TSC22D3: variants seen among roughly 807,000 people sequenced by gnomAD.
TSC22D3 encodes the protein TSC22 domain family member 3.
A neutral mutation model predicts 11.1 loss-of-function variants in TSC22D3; 4 were observed. The ratio of observed to expected loss-of-function variants is 0.36; its 90% CI spans 0.18 to 0.83. TSC22D3 has a LOEUF of 0.83. TSC22D3 is among the 40% of genes least tolerant of loss of function. The pLI, the probability that TSC22D3 is intolerant of heterozygous loss-of-function variation, is 0.48. For missense variants in TSC22D3, 118 were observed against 159.4 expected (o/e 0.74, Z 1.40); for synonymous variants, 77 against 70.3 (o/e 1.10, Z -0.48).
At chrX:107,721,566 G>A (rs779059646) in intron 1 of TSC22D3, among the ~76,000 whole-genome samples, 7 of 111,903 alleles carry the variant, frequency 6.3e-5, no homozygotes, top group Non-Finnish European at 1.3e-4. Flanking sequence ...CTATTTATAG[G>A]TAAGTCTTCC....
At chrX:107,767,567 C>T (rs73525046) in intron 1 of TSC22D3, among the ~76,000 whole-genome samples, 1,582 of 112,428 alleles carry the variant, frequency 0.014, 26 homozygotes, top group African/African-American at 0.049. Context: ...GGAATAGAAT[C>T]GAGAAAAGCT....
At chrX:107,754,634 G>A (rs1233320805) in intron 1 of TSC22D3, among the ~76,000 whole-genome samples, 2 of 112,048 alleles carry the variant, frequency 1.8e-5, no homozygotes, top group Non-Finnish European at 3.8e-5. Context: ...TAAGGAACAA[G>A]CATGACCCTG....
intron 1 of TSC22D3, chrX:107,716,919 C>T (rs1300370398): frequency 3.5e-6 from 4 of 1,144,782 alleles, no homozygotes; most frequent in Admixed American, 5.3e-5. Context: ...CGCTGGAGTC[C>T]GGCCCTGAGG....
At position 107,759,817 on chromosome X, in the gene TSC22D3, C is replaced by T. The variant is rs762962051; in HGVS notation, c.320+15283G>A. On this transcript the variant is annotated intron_variant, in intron 1 of 2. Transcript: ENST00000372383. Reference sequence around the variant, plus strand: ...TCTCCCTTTCTCTGTAGCTGCCGGGCTAGGGTGGGACAACTGGAAACTCTA... The same window carrying T: ...TCTCCCTTTCTCTGTAGCTGCCGGGTTAGGGTGGGACAACTGGAAACTCTA... Among the ~76,000 whole-genome samples the T allele has an allele frequency of 3.5e-5, 4 of 112,871 alleles. No homozygotes were observed. The East Asian group carries it at 1.1e-3, about 32-fold the overall frequency.
At chrX:107,732,313 G>T (rs926053603) in intron 1 of TSC22D3, among the ~76,000 whole-genome samples, 2 of 109,786 alleles carry the variant, frequency 1.8e-5, no homozygotes, top group African/African-American at 3.3e-5. Flanking sequence ...GCTCTCCAAG[G>T]CCAGGCCAGC....
intron 1 of TSC22D3, among the ~76,000 whole-genome samples, chrX:107,720,300 C>T (rs2147723107): frequency 9.0e-6 from 1 of 111,727 alleles, no homozygotes; most frequent in Non-Finnish European, 1.9e-5. Flanking sequence ...GAGATGTGAT[C>T]ACCCTGAGAC....
chrX:107,731,201 A>G (rs1927865513), intron 1 of TSC22D3, among the ~76,000 whole-genome samples: 2 of 112,284 alleles, frequency 1.8e-5, no homozygotes, highest in South Asian at 7.3e-4. Context: ...GTGATGTTCA[A>G]ATCTTGCCAA....
intron 1 of TSC22D3, among the ~76,000 whole-genome samples, chrX:107,735,986 C>T (rs931136588): frequency 8.9e-6 from 1 of 111,924 alleles, no homozygotes; most frequent in African/African-American, 3.3e-5. Context: ...CAATGACTTG[C>T]CCAAGGTCAC....
intron 1 of TSC22D3, among the ~76,000 whole-genome samples, chrX:107,745,996 T>A (rs897004515): frequency 3.6e-5 from 4 of 112,463 alleles, no homozygotes; most frequent in Non-Finnish European, 5.6e-5. Flanking sequence ...ACCAAAATTC[T>A]AGGATTGAAT....
chrX:107,726,089 G>C lies in TSC22D3; in HGVS notation c.321-10139C>G, dbSNP rs142381295. 4.8e-3 allele frequency among the ~76,000 whole-genome samples: 528 copies of C among 110,234 alleles called. 4 individuals are homozygous for C. Among genetic ancestry groups the C allele is most frequent in the African/African-American group, 0.017 (510 of 30,239 alleles). ...CTGCAAACATGCCTGTCCCCACCCT[G>C]ATCCAAGCCTGGAACTCACCCCTGC... On this transcript the variant is annotated intron_variant, in intron 1 of 2. Coordinates refer to ENST00000372383, the MANE Select transcript of TSC22D3 (RefSeq NM_198057.3).
At chrX:107,754,726 A>G (rs768519328) in intron 1 of TSC22D3, among the ~76,000 whole-genome samples, 46 of 112,396 alleles carry the variant, frequency 4.1e-4, no homozygotes, top group African/African-American at 1.5e-3. Flanking sequence ...CCACTAATGA[A>G]ATCTTACACA....
intron 1 of TSC22D3, among the ~76,000 whole-genome samples, chrX:107,770,750 C>T (rs776678023): frequency 8.9e-6 from 1 of 112,111 alleles, no homozygotes; most frequent in Non-Finnish European, 1.9e-5. Context: ...GCAATCACAA[C>T]GAATACTGTC....
chrX:107,726,439 G>C (rs772882425), intron 1 of TSC22D3, among the ~76,000 whole-genome samples: 2 of 111,292 alleles, frequency 1.8e-5, no homozygotes, highest in Non-Finnish European at 3.8e-5. Context: ...GGGTGGGGTT[G>C]AAATAAAAAG....
chrX:107,725,301 G>T (rs975880953), intron 1 of TSC22D3, among the ~76,000 whole-genome samples: 1 of 112,652 alleles, frequency 8.9e-6, no homozygotes, highest in African/African-American at 3.2e-5. Flanking sequence ...CACACAGCAG[G>T]TAAACCTTGA....
At chrX:107,717,663 T>C (rs1240111439) in intron 1 of TSC22D3, among the ~76,000 whole-genome samples, 1 of 112,626 alleles carries the variant, frequency 8.9e-6, no homozygotes, top group East Asian at 2.8e-4. Flanking sequence ...CATGTACAGA[T>C]CTGTGACATG....
chrX:107,773,426 A>G (rs897587992), intron 1 of TSC22D3, among the ~76,000 whole-genome samples: 7 of 110,834 alleles, frequency 6.3e-5, no homozygotes, highest in African/African-American at 2.3e-4. Context: ...CCCCTCCCCC[A>G]CTGCCACTCT....
intron 1 of TSC22D3, chrX:107,716,698 C>T (rs1221523676): frequency 8.3e-7 from 1 of 1,205,628 alleles, no homozygotes; most frequent in Non-Finnish European, 1.1e-6. Flanking sequence ...ACCTGTTGTC[C>T]AGCTTAACGG....
chrX:107,732,395 T>C (rs1927930704), intron 1 of TSC22D3, among the ~76,000 whole-genome samples: 1 of 110,438 alleles, frequency 9.1e-6, no homozygotes, highest in Non-Finnish European at 1.9e-5. Context: ...CCCCTCCTTA[T>C]GCAAAAGGAA....
chrX:107,764,651 T>C (rs1398204842), intron 1 of TSC22D3, among the ~76,000 whole-genome samples: 1 of 111,704 alleles, frequency 9.0e-6, no homozygotes, highest in African/African-American at 3.3e-5. Flanking sequence ...CAACTTTTTT[T>C]TCCAGAGAGA....
Sources: gnomAD v4.1 joint callset for allele counts (sites outside exome capture counted in the v4.1 genomes callset) on GRCh38, gnomAD v4.1.1 for gene constraint, MANE v1.5 for transcripts, NCBI Gene and HGNC (gene_info 2026-07-23, HGNC 2026-07-21) for gene names.